The following UFM1 variants were observed in gnomAD, a reference collection of about 807,000 sequenced individuals.
The protein encoded by UFM1 is ubiquitin-fold modifier 1.
Under a neutral mutation model 15.4 loss-of-function variants are expected in UFM1, and 9 were observed. The ratio of observed to expected loss-of-function variants is 0.59; its 90% CI spans 0.35 to 1.02. The LOEUF is 1.02. UFM1 is among the 50% of genes least tolerant of loss of function. UFM1 has a pLI of 0.02. For synonymous variants in UFM1, 27 were observed against 36.3 expected (o/e 0.74, Z 0.92); for missense variants, 98 against 104.7 (o/e 0.94, Z 0.28).
intron 4 of UFM1, among the ~76,000 whole-genome samples, chr13:38,358,432 T>G (rs1879222732): frequency 6.6e-6 from 1 of 151,880 alleles, no homozygotes; most frequent in African/African-American, 2.4e-5. Flanking sequence ...TAAGTAAAGT[T>G]GTTTGGTAAA....
intron 4 of UFM1, 48 bp downstream of exon 4, chr13:38,358,180 G>A (rs755055509): frequency 1.1e-5 from 13 of 1,203,304 alleles, no homozygotes; most frequent in African/African-American, 1.6e-5. Context: ...TTATAGAAAT[G>A]GTGTAAAAGG....
At chr13:38,355,241 T>A (rs980415039) in intron 3 of UFM1, among the ~76,000 whole-genome samples, 5 of 152,024 alleles carry the variant, frequency 3.3e-5, no homozygotes, top group African/African-American at 1.2e-4. Flanking sequence ...TGCTCAAAGC[T>A]CCTTGTATTG....
chr13:38,357,864 G>A (rs76949592), intron 3 of UFM1, among the ~76,000 whole-genome samples: 4,321 of 151,860 alleles, frequency 0.028, 238 homozygotes, highest in African/African-American at 0.099. Context: ...GAAGGAAGAG[G>A]AAGGGTTGGT....
chr13:38,354,370 A>G lies in UFM1; in HGVS notation c.117+74A>G, dbSNP rs2231333. On this transcript the variant is annotated intron_variant, in intron 3 of 5. Transcript: ENST00000239878. ...TGCTTCAAATGTCTTTAAGAGTTGC[A>G]TGCACTTTGACCCATCATTTCCATG... is the stretch of plus-strand genomic sequence containing the variant. The G allele has an allele frequency of 4.7e-4, 639 of 1,363,906 alleles. 2 individuals are homozygous for G. The African/African-American group carries it at 7.2e-3, about 15-fold the overall frequency. The allele number at this position is 1,363,906 out of a possible 1,614,324, so 84.5% of individuals were successfully genotyped here. A position where few individuals can be genotyped will look rare whatever the true frequency, so the allele number is the denominator to read the frequency against.
At chr13:38,356,036 A>G (rs1879077227) in intron 3 of UFM1, among the ~76,000 whole-genome samples, 1 of 151,844 alleles carries the variant, frequency 6.6e-6, no homozygotes, top group Admixed American at 6.6e-5. Context: ...AAAACAGAAG[A>G]CCATAAAAGA....
At chr13:38,352,364 TG>T (rs1350849050) in intron 2 of UFM1, among the ~76,000 whole-genome samples, 1 of 152,176 alleles carries the variant, frequency 6.6e-6, no homozygotes, top group Non-Finnish European at 1.5e-5. Flanking sequence ...CCCAAAGTTC[TG>T]GGATTATAGG....
At position 38,350,018 on chromosome 13, in the gene UFM1, A is replaced by C; in HGVS notation, c.22A>C (p.Ile8Leu). Residue 8 changes from isoleucine (I) to leucine (L), a missense_variant, in exon 2 of 6, where the codon ATC becomes CTC. Ile to Leu is a conservative substitution (Grantham distance 5, BLOSUM62 2). Transcript: ENST00000239878. The part of the protein sequence containing the change: MSKVSFK[I>L]TLTSDPRLPY... Reference sequence around the variant, plus strand: ...CCTCAGGTCGAAGGTTTCCTTTAAGATCACGCTGACGTCGGACCCACGGCT... The same window carrying C: ...CCTCAGGTCGAAGGTTTCCTTTAAGCTCACGCTGACGTCGGACCCACGGCT... 1 of 1,614,188 alleles carries C rather than the reference A, an allele frequency of 6.2e-7. No homozygotes were observed. The highest frequency in any genetic ancestry group is 8.5e-7 in the Non-Finnish European group (1 of 1,180,044).
intron 2 of UFM1, 59 bp downstream of exon 2, chr13:38,350,114 G>T: frequency 8.7e-6 from 14 of 1,614,218 alleles, no homozygotes; most frequent in Non-Finnish European, 1.0e-5. Context: ...CTGGGTTGGG[G>T]ATGATCCGAG....
At chr13:38,360,666 C>T (rs1879329182) in intron 5 of UFM1, 45 bp from the exon 6 acceptor site, 1 of 1,405,746 alleles carries the variant, frequency 7.1e-7, no homozygotes, top group Non-Finnish European at 9.9e-7. Context: ...ATTAAGATAA[C>T]TTGATTTTTA....
In UFM1 at chr13:38,363,457, C is replaced by T. The variant is rs1879513817; in HGVS notation, c.*2679C>T. The T allele has an allele frequency of 7.0e-6, 1 of 143,882 alleles. No homozygotes were observed. The allele number at this position is 143,882 out of a possible 1,614,324, so 8.9% of individuals were successfully genotyped here. A position where few individuals can be genotyped will look rare whatever the true frequency, so the allele number is the denominator to read the frequency against. ...AATTTGTTCCTGTGATTCAGTGATA[C>T]ATAACAGTACTTGCAAATGCCTGTC... On this transcript the variant is annotated 3_prime_UTR_variant, in exon 6 of 6. Transcript: ENST00000239878.
At chr13:38,360,004 A>G in intron 5 of UFM1, 1 of 352,892 alleles carries the variant, frequency 2.8e-6, no homozygotes, top group Non-Finnish European at 5.6e-6. Flanking sequence ...ATTCTAAAGT[A>G]TTTCTTTATT....
intron 3 of UFM1, among the ~76,000 whole-genome samples, chr13:38,355,058 A>C (rs1328850844): frequency 6.6e-6 from 1 of 152,068 alleles, no homozygotes; most frequent in Admixed American, 6.6e-5. Flanking sequence ...GTTGAAGTTA[A>C]AAGTGCTAAA....
Position 38,358,113 on chromosome 13 carries a change from A to C in UFM1, c.138A>C (p.Thr46=). The stretch of plus-strand genomic sequence containing the variant: ...TTTAGTTTAAAGTTCCTGCTGCAAC[A>C]AGTGCAATTATTACCAATGGTAAGA... The part of the protein sequence containing the change: ...AAEEFKVPAA[T]SAIITNDGIG... Residue 46 remains threonine (T), a synonymous_variant, in exon 4 of 6, where the codon ACA becomes ACC. Transcript: ENST00000239878. 3.4e-6 allele frequency: 5 copies of C among 1,451,342 alleles called. No individual in the cohort carries two copies. Among genetic ancestry groups the C allele is most frequent in the Non-Finnish European group, 4.6e-6 (5 of 1,084,056 alleles). The allele number at this position is 1,451,342 out of a possible 1,614,324, so 89.9% of individuals were successfully genotyped here.
chr13:38,353,279 G>T (rs1230505669), intron 2 of UFM1, among the ~76,000 whole-genome samples: 3 of 152,070 alleles, frequency 2.0e-5, no homozygotes, highest in Non-Finnish European at 4.4e-5. Flanking sequence ...AGACACTTAA[G>T]AACAATACAA....
intron 3 of UFM1, among the ~76,000 whole-genome samples, chr13:38,355,492 A>C (rs1879053043): frequency 6.6e-6 from 1 of 151,982 alleles, no homozygotes; most frequent in Non-Finnish European, 1.5e-5. Context: ...TATAAGCTTT[A>C]TTTAATATTT....
chr13:38,350,244 T>A (rs770073293), intron 2 of UFM1, 189 bp downstream of exon 2: 9 of 1,597,656 alleles, frequency 5.6e-6, no homozygotes, highest in South Asian at 5.6e-5. Flanking sequence ...ACTTGCTCGC[T>A]AAGTGTCAGC....
chr13:38,362,048 CTA>C lies in UFM1; in HGVS notation c.*1272_*1273del, dbSNP rs1879422541. On this transcript the variant is annotated 3_prime_UTR_variant, in exon 6 of 6. Transcript: ENST00000239878. ...TTGCCCTTCCGGAAGAAATCAGTAT[CTA>C]TGCAAATCTTGAAAGACGAAATCAA... 6.6e-6 allele frequency: 1 copy of C among 152,132 alleles called. No individual in the cohort carries two copies. Among genetic ancestry groups the C allele is most frequent in the Non-Finnish European group, 1.5e-5 (1 of 68,038 alleles). 9.4% of individuals were successfully genotyped at this position (152,132 alleles called of 1,614,324 possible). A position where few individuals can be genotyped will look rare whatever the true frequency, so the allele number is the denominator to read the frequency against.
chr13:38,350,223 G>C (rs779839332), intron 2 of UFM1, 168 bp downstream of exon 2: 4 of 1,609,168 alleles, frequency 2.5e-6, no homozygotes, highest in Non-Finnish European at 2.5e-6. Context: ...AGCCTGCGAG[G>C]AGAGGTCCGT....
At position 38,349,851 on chromosome 13, in the gene UFM1, A is replaced by C; in HGVS notation, c.-69A>C. ...ACGTGAGTGGAGCGGGGCGGTCCCCAGCACACTAGAGGAAGTCGTGCTACC... is the reference window on the plus strand; with the variant it reads ...ACGTGAGTGGAGCGGGGCGGTCCCCCGCACACTAGAGGAAGTCGTGCTACC... On this transcript the variant is annotated 5_prime_UTR_variant, in exon 1 of 6. Coordinates refer to ENST00000239878, the MANE Select transcript of UFM1 (RefSeq NM_016617.4). The C allele has an allele frequency of 2.5e-6, 4 of 1,613,874 alleles. No individual in the cohort carries two copies. Among genetic ancestry groups the C allele is most frequent in the Non-Finnish European group, 3.4e-6 (4 of 1,179,872 alleles).
Sources: gnomAD v4.1 joint callset for allele counts (sites outside exome capture counted in the v4.1 genomes callset) on GRCh38, gnomAD v4.1.1 for gene constraint, MANE v1.5 for transcripts, NCBI Gene and HGNC (gene_info 2026-07-23, HGNC 2026-07-21) for gene names.